Variants in ASL observed in about 807,000 individuals in gnomAD.
The protein encoded by ASL is argininosuccinase.
Under a neutral mutation model 69.1 loss-of-function variants are expected in ASL, and 51 were observed. That is an observed-to-expected ratio of 0.74 (90% CI 0.59 to 0.93). The LOEUF (loss-of-function observed/expected upper bound fraction) is 0.93, where lower values mean the gene tolerates loss of function less well. Among genes scored for constraint, ASL ranks in the 40% least tolerant of loss-of-function variants. The pLI, the probability that ASL is intolerant of heterozygous loss-of-function variation, is 0.00. For synonymous variants in ASL, 241 were observed against 247.6 expected, an observed-to-expected ratio of 0.97 and a Z score of 0.25; for missense variants, 540 against 623.9, an observed-to-expected ratio of 0.87 and a Z score of 1.43.
At position 66,093,066 on chromosome 7, in the gene ASL, C is replaced by T. The variant is rs1786902346; in HGVS notation, c.*154C>T. 7.6e-7 allele frequency: 1 copy of T among 1,310,170 alleles called. No homozygotes were observed. The highest frequency in any genetic ancestry group is 1.1e-6 in the Non-Finnish European group (1 of 951,592). 81.2% of individuals were successfully genotyped at this position (1,310,170 alleles called of 1,614,324 possible). A position where few individuals can be genotyped will look rare whatever the true frequency, so the allele number is the denominator to read the frequency against. On this transcript the variant is annotated 3_prime_UTR_variant, in exon 17 of 17. Coordinates refer to ENST00000304874, the MANE Select transcript of ASL (RefSeq NM_000048.4). Reference sequence around the variant, plus strand: ...GGCAGGGCAGGGTGGCCTGTAATCCCAGCACTTTGGAAGGGCAAGGTGCGA... The same window carrying T: ...GGCAGGGCAGGGTGGCCTGTAATCCTAGCACTTTGGAAGGGCAAGGTGCGA...
intron 9 of ASL, 48 bp downstream of exon 9, chr7:66,087,434 C>T (rs769628469): frequency 2.0e-5 from 32 of 1,594,470 alleles, no homozygotes; most frequent in South Asian, 1.8e-4. Flanking sequence ...CCTCAGCACC[C>T]GCCAAGACCT....
chr7:66,081,765 G>T (rs760005936), intron 2 of ASL, 38 bp from the exon 3 acceptor site: 1 of 1,603,512 alleles, frequency 6.2e-7, no homozygotes, highest in Non-Finnish European at 8.5e-7. Flanking sequence ...GTTCTGGAGG[G>T]TGGAGGAGAG....
At position 66,089,689 on chromosome 7, in the gene ASL, G is replaced by C. The variant is rs745476328; in HGVS notation, c.1056G>C (p.Thr352=). Residue 352 remains threonine, a synonymous_variant, in exon 14 of 17, where the codon ACG becomes ACC. Transcript: ENST00000304874. ...VLQVATGVIS[T]LQIHQENMGQ... ...AGGTGGCCACTGGCGTCATCTCTAC[G>C]CTGCAGGCAAGACATCACCCCCCTG... is the stretch of plus-strand genomic sequence containing the variant. 2 of 1,613,530 alleles carry C rather than the reference G, an allele frequency of 1.2e-6. No homozygotes were observed. Among genetic ancestry groups the C allele is most frequent in the Non-Finnish European group, 1.7e-6 (2 of 1,179,932 alleles).
chr7:66,089,062 C>T (rs1391764921), intron 11 of ASL, 29 bp from the exon 12 acceptor site: 3 of 1,613,392 alleles, frequency 1.9e-6, no homozygotes, highest in Non-Finnish European at 1.7e-6. Flanking sequence ...AGGGTCCAGC[C>T]CCTTCAGCGC....
chr7:66,089,041 T>G, intron 11 of ASL, 50 bp from the exon 12 acceptor site: 1 of 1,612,548 alleles, frequency 6.2e-7, no homozygotes, highest in Non-Finnish European at 8.5e-7. Context: ...ATTGCGGCGC[T>G]GGACCAGCCA....
chr7:66,087,345 C>T lies in ASL; in HGVS notation c.614C>T (p.Ala205Val), dbSNP rs796051925. The change falls in exon 9 of 17, where the codon GCA (alanine) becomes GTA (valine). Residue 205 changes from alanine (A) to valine (V), a missense_variant. Physicochemically the swap from Ala to Val is moderately conservative, Grantham distance 64. Coordinates refer to ENST00000304874, the MANE Select transcript of ASL (RefSeq NM_000048.4). Reference protein sequence around the residue: ...NVLPLGSGAIAGNPLGVDREL... With the variant: ...NVLPLGSGAIVGNPLGVDREL... ...CCCTGTCCCTGCAGTGGGGCCATTG[C>T]AGGCAATCCCCTGGGTGTGGACCGA... The T allele has an allele frequency of 6.2e-7, 1 of 1,605,472 alleles. No homozygotes were observed.
chr7:66,089,697 C>A lies in ASL; in HGVS notation c.1062+2C>A. 4.3e-6 allele frequency: 7 copies of A among 1,613,442 alleles called. No homozygotes were observed. Among genetic ancestry groups the A allele is most frequent in the Non-Finnish European group, 5.9e-6 (7 of 1,179,944 alleles). On this transcript the variant is annotated splice_donor_variant, in intron 14 of 16. Transcript: ENST00000304874. LOFTEE classifies it high-confidence loss of function. ...ACTGGCGTCATCTCTACGCTGCAGG[C>A]AAGACATCACCCCCCTGCTTCTCCT...
Position 66,083,164 on chromosome 7 carries a change from C to T in ASL, c.436C>T (p.Arg146Trp), listed in dbSNP as rs199938613. 1.6e-5 allele frequency: 26 copies of T among 1,612,726 alleles called. No homozygotes were observed. Among genetic ancestry groups the T allele is most frequent in the East Asian group, 2.2e-5 (1 of 44,876 alleles). Residue 146 changes from arginine (R) to tryptophan (W), a missense_variant, in exon 6 of 17, where the codon CGG becomes TGG. Physicochemically the swap from Arg to Trp is moderately radical, Grantham distance 101. Transcript: ENST00000304874. Reference sequence around the variant, plus strand: ...GGAGCTCATTAGGACCATGGTGGATCGGGCAGAGGCGTGAGTCCTACAGGG... The same window carrying T: ...GGAGCTCATTAGGACCATGGTGGATTGGGCAGAGGCGTGAGTCCTACAGGG... ...LWELIRTMVD[R>W]AEAERDVLFP...
intron 2 of ASL, 128 bp from the exon 3 acceptor site, chr7:66,081,675 T>C: frequency 1.7e-6 from 2 of 1,148,118 alleles, no homozygotes; most frequent in Non-Finnish European, 2.4e-6. Context: ...AGCCTCCTTG[T>C]CTGCCCAGTT....
intron 14 of ASL, 127 bp from the exon 15 acceptor site, chr7:66,091,873 TGAGACA>T: frequency 1.2e-6 from 1 of 849,036 alleles, no homozygotes; most frequent in Non-Finnish European, 2.0e-6. Context: ...AAGTTGAGAG[TGAGACA>T]GAGCCGAGTG....
intron 6 of ASL, among the ~76,000 whole-genome samples, chr7:66,084,478 A>G (rs929978909): frequency 6.6e-6 from 1 of 151,750 alleles, no homozygotes; most frequent in South Asian, 2.1e-4. Flanking sequence ...TTAAATTTTT[A>G]ACTTTTTAAA....
intron 2 of ASL, among the ~76,000 whole-genome samples, chr7:66,081,355 G>A (rs1289543605): frequency 6.6e-6 from 1 of 152,092 alleles, no homozygotes; most frequent in Non-Finnish European, 1.5e-5. Context: ...CAAGATGGGA[G>A]GATCACCTGA....
chr7:66,085,201 G>GT (rs1381558522), intron 6 of ASL, among the ~76,000 whole-genome samples: 20 of 152,180 alleles, frequency 1.3e-4, no homozygotes, highest in African/African-American at 3.9e-4. Flanking sequence ...AACAGGCCAG[G>GT]TGCTGTGGCT....
chr7:66,080,512 C>T lies in ASL; in HGVS notation c.13-1291C>T, dbSNP rs554058516. ...CCAAGGTCAGGGGATCACCTGAGAT[C>T]AGGAGTTCGAGACCAGCCTGACCAA... On this transcript the variant is annotated intron_variant, in intron 2 of 16. Coordinates refer to ENST00000304874, the MANE Select transcript of ASL (RefSeq NM_000048.4). Among the ~76,000 whole-genome samples the T allele has an allele frequency of 1.5e-4, 23 of 151,648 alleles. 1 individual carries two copies. The South Asian group carries it at 4.8e-3, about 32-fold the overall frequency.
intron 3 of ASL, 45 bp downstream of exon 3, chr7:66,082,042 GC>G (rs1786520161): frequency 6.4e-7 from 1 of 1,562,720 alleles, no homozygotes; most frequent in Non-Finnish European, 8.7e-7. Context: ...CTTCCCTGTG[GC>G]CCCAGGCTCC....
intron 2 of ASL, 28 bp from the exon 3 acceptor site, chr7:66,081,775 G>C: frequency 1.2e-6 from 2 of 1,608,520 alleles, no homozygotes; most frequent in Non-Finnish European, 1.7e-6. Flanking sequence ...GTGGAGGAGA[G>C]ACTAATTGTT....
rs1786537128 is a variant in ASL, at chr7:66,082,514, T to C, written c.291+63T>C. Reference sequence around the variant, plus strand: ...CCTCTCCACCTTGCCCAGGGCCACTTTGAGCATTAGCACCATTCTGTTTAC... The same window carrying C: ...CCTCTCCACCTTGCCCAGGGCCACTCTGAGCATTAGCACCATTCTGTTTAC... On this transcript the variant is annotated intron_variant, in intron 4 of 16. Transcript: ENST00000304874. The C allele has an allele frequency of 1.4e-5, 22 of 1,528,458 alleles. No homozygotes were observed. The South Asian group carries it at 2.2e-4, about 16-fold the overall frequency. 94.7% of individuals were successfully genotyped at this position (1,528,458 alleles called of 1,614,324 possible). A position where few individuals can be genotyped will look rare whatever the true frequency, so the allele number is the denominator to read the frequency against.
chr7:66,086,531 C>G lies in ASL; in HGVS notation c.447-54C>G. The G allele has an allele frequency of 1.9e-6, 3 of 1,593,362 alleles. No homozygotes were observed. In the South Asian group the frequency reaches 3.3e-5, roughly 18 times the overall value. ...CCAGGCCTGCAGGGTTCCAGTGTCA[C>G]AGGCAGGCCTTGCATGAGCCTCCAC... On this transcript the variant is annotated intron_variant, in intron 6 of 16. Transcript: ENST00000304874.
chr7:66,092,350 G>A (rs548359574), intron 15 of ASL, among the ~76,000 whole-genome samples: 4 of 152,056 alleles, frequency 2.6e-5, no homozygotes, highest in South Asian at 2.1e-4. Flanking sequence ...CCAGTTACTC[G>A]GGAGGCTGAG....
Sources: gnomAD v4.1 joint callset for allele counts (sites outside exome capture counted in the v4.1 genomes callset) on GRCh38, gnomAD v4.1.1 for gene constraint, MANE v1.5 for transcripts, NCBI Gene and HGNC (gene_info 2026-07-23, HGNC 2026-07-21) for gene names.